Variants in METTL27 observed in about 807,000 individuals in gnomAD.
The protein encoded by METTL27 is methyltransferase-like protein 27.
A neutral mutation model predicts 24.5 loss-of-function variants in METTL27; 29 were observed. The observed-to-expected ratio is 1.18, with a 90% confidence interval of 0.88 to 1.61. The LOEUF is 1.61. Ranked by LOEUF, METTL27 falls within the 40% of genes most tolerant of loss-of-function variation. The probability of loss-of-function intolerance (pLI) is 0.00; values close to 1 mark genes in which losing one functional copy is unlikely to be tolerated. For synonymous variants in METTL27, 138 were observed against 146.8 expected (o/e 0.94, Z 0.43); for missense variants, 341 against 324.3 (o/e 1.05, Z -0.40).
In METTL27 at chr7:73,840,471, G is replaced by A. The variant is rs1554636154; in HGVS notation, c.331C>T (p.Leu111Phe). ...GTGCAGAGGCTGAGGCGCTGATAGA[G>A]GCCGGGGGCCTGGGCCTGTTCCAGC... ...GMLEQAQAPG[L>F]YQRLSLCTLG... The change falls in exon 4 of 6, where the codon CTC becomes TTC. Residue 111 changes from leucine (L) to phenylalanine (F), a missense_variant. Leu to Phe is a conservative substitution (Grantham distance 22). Coordinates refer to ENST00000297873, the MANE Select transcript of METTL27 (RefSeq NM_152559.3). 6.2e-7 allele frequency: 1 copy of A among 1,608,192 alleles called. No homozygotes were observed. The highest frequency in any genetic ancestry group is 8.5e-7 in the Non-Finnish European group (1 of 1,178,008).
intron 5 of METTL27, among the ~76,000 whole-genome samples, chr7:73,836,688 C>G (rs1350072422): frequency 4.1e-5 from 2 of 49,188 alleles, no homozygotes; most frequent in African/African-American, 6.1e-5. Flanking sequence ...CCGGCCAGCC[C>G]CCCCATCCGG....
chr7:73,841,133 T>C lies in METTL27; in HGVS notation c.189A>G (p.Pro63=), dbSNP rs1554636355. 3.3e-6 allele frequency: 5 copies of C among 1,537,870 alleles called. No homozygotes were observed. The change falls in exon 3 of 6, where the codon CCA becomes CCG. Residue 63 remains proline, a synonymous_variant. Transcript: ENST00000297873. ...LAVDCLTQAL[P]GPPHSALILD... ...GGATCAGGGCACTGTGGGGCGGGCC[T>C]GGAAGGGCTTGTGTGAGGCAGTCCA...
Position 73,834,810 on chromosome 7 carries a change from C to A in METTL27, c.671G>T (p.Arg224Met), listed in dbSNP as rs782081972. 1.2e-6 allele frequency: 2 copies of A among 1,614,162 alleles called. No individual in the cohort carries two copies. Among genetic ancestry groups the A allele is most frequent in the Non-Finnish European group, 1.7e-6 (2 of 1,180,026 alleles). The change falls in exon 6 of 6, where the codon AGG becomes ATG. Residue 224 changes from arginine (R) to methionine (M), a missense_variant. Arg to Met is a moderately conservative substitution (Grantham distance 91). Transcript: ENST00000297873. The stretch of plus-strand genomic sequence containing the variant: ...AGACAATGCCGGAGATGAAGCCATC[C>A]TTGGCAGAGATGCCGGATACCACCT... ...SWRWYPASLP[R>M]MASSPALSTC...
chr7:73,840,174 T>C, intron 4 of METTL27, 54 bp from the exon 5 acceptor site: 1 of 1,556,194 alleles, frequency 6.4e-7, no homozygotes, highest in Non-Finnish European at 8.7e-7. Context: ...GAAGGTACTT[T>C]GTCTATGGTG....
chr7:73,840,509 C>T lies in METTL27; in HGVS notation c.293G>A (p.Gly98Glu). 1 of 1,610,308 alleles carries T rather than the reference C, an allele frequency of 6.2e-7. No homozygotes were observed. The highest frequency in any genetic ancestry group is 8.5e-7 in the Non-Finnish European group (1 of 1,178,686). The change falls in exon 4 of 6, where the codon GGG (glycine) becomes GAG (glutamate). Residue 98 changes from glycine to glutamate, a missense_variant. Transcript: ENST00000297873. ...PGFLQLHGVD[G>E]SPGMLEQAQA... ...GGCCTGTTCCAGCATCCCTGGGCTC[C>T]CATCCACCCCATGCAGCTGGAGGAA...
At chr7:73,840,387 G>C (rs782241252) in intron 4 of METTL27, 27 bp downstream of exon 4, 1 of 1,556,200 alleles carries the variant, frequency 6.4e-7, no homozygotes, top group South Asian at 1.2e-5. Context: ...GGTGGGCCTC[G>C]GGGTGTGGAG....
At chr7:73,840,695 G>T in intron 3 of METTL27, 146 bp from the exon 4 acceptor site, 1 of 1,233,028 alleles carries the variant, frequency 8.1e-7, no homozygotes, top group Non-Finnish European at 1.1e-6. Context: ...GTCTCTCTCT[G>T]TCGCCCAAAC....
In METTL27 at chr7:73,842,131, C is replaced by T. The variant is rs1275001115; in HGVS notation, c.10G>A (p.Glu4Lys). ...ACCTCGGGCAGGCTCCCACCCTCCT[C>T]CTGGGCCATGCTCCTGTGGGGACAC... Reference protein sequence around the residue: MAQEEGGSLPEVRA... With the variant: MAQKEGGSLPEVRA... The change falls in exon 2 of 6, where the codon GAG becomes AAG. Residue 4 changes from glutamate (E) to lysine (K), a missense_variant. Glu to Lys is a moderately conservative substitution (Grantham distance 56). Coordinates refer to ENST00000297873, the MANE Select transcript of METTL27 (RefSeq NM_152559.3). The T allele has an allele frequency of 6.8e-6, 11 of 1,611,018 alleles. No individual in the cohort carries two copies. Among genetic ancestry groups the T allele is most frequent in the Non-Finnish European group, 9.3e-6 (11 of 1,179,674 alleles).
intron 5 of METTL27, among the ~76,000 whole-genome samples, chr7:73,835,898 G>C (rs190201577): frequency 1.4e-5 from 2 of 147,566 alleles, no homozygotes; most frequent in Non-Finnish European, 3.0e-5. Flanking sequence ...ACCTCTGCCC[G>C]GCCGCAACCC....
chr7:73,838,568 G>A (rs1421428796), intron 5 of METTL27, among the ~76,000 whole-genome samples: 9 of 152,154 alleles, frequency 5.9e-5, no homozygotes, highest in African/African-American at 2.2e-4. Flanking sequence ...AGAAGGGAGC[G>A]CAGTGAGAGG....
At chr7:73,837,711 G>A (rs1237655329) in intron 5 of METTL27, among the ~76,000 whole-genome samples, 4 of 152,022 alleles carry the variant, frequency 2.6e-5, no homozygotes, top group African/African-American at 7.2e-5. Flanking sequence ...TTACAGGCAC[G>A]TGCCACCACG....
At chr7:73,835,136 TCCC>T (rs1788126820) in intron 5 of METTL27, 134 bp from the exon 6 acceptor site, 1 of 1,345,692 alleles carries the variant, frequency 7.4e-7, no homozygotes, top group Non-Finnish European at 9.7e-7. Context: ...CCTCTCCCTC[TCCC>T]TCTCCCTCTC....
At chr7:73,838,496 A>G (rs575225710) in intron 5 of METTL27, among the ~76,000 whole-genome samples, 21 of 152,310 alleles carry the variant, frequency 1.4e-4, no homozygotes, top group Non-Finnish European at 2.8e-4. Flanking sequence ...GGGGAAGCCC[A>G]AGTGACTGGT....
At position 73,840,131 on chromosome 7, in the gene METTL27, GT is replaced by G. The variant is rs71082272; in HGVS notation, c.389-12del. ...CCGCGTCGAAGGTCCCTGTGTGTGT[GT>G]GGGGGGGGGTGGGGACATGGTGTGA... On this transcript the variant is annotated splice_polypyrimidine_tract_variant and intron_variant, in intron 4 of 5. Coordinates refer to ENST00000297873, the MANE Select transcript of METTL27 (RefSeq NM_152559.3). 61,301 of 1,443,600 alleles carry G rather than the reference GT, an allele frequency of 0.042. 2,242 individuals carry two copies. Among genetic ancestry groups the G allele is most frequent in the South Asian group, 0.1 (7,485 of 74,828 alleles). 89.4% of individuals were successfully genotyped at this position (1,443,600 alleles called of 1,614,324 possible).
In METTL27 at chr7:73,835,003, C is replaced by T. The variant is rs782638715; in HGVS notation, c.479-1G>A. The T allele has an allele frequency of 1.2e-6, 2 of 1,608,682 alleles. No homozygotes were observed. The highest frequency in any genetic ancestry group is 1.7e-6 in the Non-Finnish European group (2 of 1,178,326). On this transcript the variant is annotated splice_acceptor_variant, in intron 5 of 5. Transcript: ENST00000297873. LOFTEE classifies it high-confidence loss of function. Reference sequence around the variant, plus strand: ...CTGGTGGTCAGACACACCAGCCCACCTGGGGGAGAGGGGTAGGTGAGGTGG... The same window carrying T: ...CTGGTGGTCAGACACACCAGCCCACTTGGGGGAGAGGGGTAGGTGAGGTGG...
intron 2 of METTL27, 144 bp from the exon 3 acceptor site, chr7:73,841,342 G>T: frequency 1.6e-6 from 2 of 1,248,126 alleles, no homozygotes; most frequent in Non-Finnish European, 2.1e-6. Context: ...GGACGCCCAG[G>T]CATGAGGTGC....
At chr7:73,840,574 T>A in intron 3 of METTL27, 25 bp from the exon 4 acceptor site, 1 of 1,557,750 alleles carries the variant, frequency 6.4e-7, no homozygotes, top group Non-Finnish European at 8.7e-7. Flanking sequence ...GGAGACTCAG[T>A]CATGGTTCAC....
chr7:73,840,365 G>A, intron 4 of METTL27, 49 bp downstream of exon 4: 2 of 1,550,800 alleles, frequency 1.3e-6, no homozygotes, highest in Non-Finnish European at 8.7e-7. Flanking sequence ...GCAAGGGAAA[G>A]GGCTTCATGA....
At position 73,841,214 on chromosome 7, in the gene METTL27, C is replaced by A; in HGVS notation, c.124-16G>T. 2 of 1,554,190 alleles carry A rather than the reference C, an allele frequency of 1.3e-6. No individual in the cohort carries two copies. The highest frequency in any genetic ancestry group is 1.7e-6 in the Non-Finnish European group (2 of 1,157,776). On this transcript the variant is annotated splice_polypyrimidine_tract_variant and intron_variant, in intron 2 of 5. Transcript: ENST00000297873. ...TGGCCACATCCTGGGGAAAGAGTGCCGGGCCTACAACACCGGTGCCCCAGT... is the reference window on the plus strand; with the variant it reads ...TGGCCACATCCTGGGGAAAGAGTGCAGGGCCTACAACACCGGTGCCCCAGT...
Sources: allele counts gnomAD v4.1 joint callset (sites outside exome capture counted in the v4.1 genomes callset), GRCh38; gene constraint gnomAD v4.1.1; transcripts MANE v1.5; gene names NCBI Gene and HGNC (gene_info 2026-07-23, HGNC 2026-07-21).